Variants in CCNO observed in about 807,000 individuals in gnomAD.
The protein encoded by CCNO is cyclin O.
CCNO carries 24 observed loss-of-function variants against 23.9 expected under a neutral mutation model. The ratio of observed to expected loss-of-function variants is 1.00; its 90% CI spans 0.73 to 1.41. The LOEUF is 1.41. CCNO is among the 40% of genes most tolerant of loss of function. The pLI, the probability that CCNO is intolerant of heterozygous loss-of-function variation, is 0.00. For missense variants in CCNO, 542 were observed against 476.2 expected (o/e 1.14, Z -1.29); for synonymous variants, 241 against 225.7 (o/e 1.07, Z -0.61).
At position 55,231,325 on chromosome 5, in the gene CCNO, G is replaced by A; in HGVS notation, c.*50C>T. ...GTACTGCACTCTTCTGAGGCTACGG[G>A]AGAGGTCCAGCAGCCGGGCCAGGGA... On this transcript the variant is annotated 3_prime_UTR_variant, in exon 3 of 3. Coordinates refer to ENST00000282572, the MANE Select transcript of CCNO (RefSeq NM_021147.5). The A allele has an allele frequency of 6.3e-7, 1 of 1,599,444 alleles. No individual in the cohort carries two copies. The highest frequency in any genetic ancestry group is 8.5e-7 in the Non-Finnish European group (1 of 1,172,004).
chr5:55,232,445 CAG>C lies in CCNO; in HGVS notation c.481_482del (p.Leu161GlyfsTer73), dbSNP rs587777503. ...CCGGCGTGGTGGTGAGGAAGCGGTC[CAG>C]AGTGTTCACCGTCAGGCACAGCGAC... ...FESLCLTVNTLDRFLTTTPVA... is the reference protein window; with the variant it reads ...FESLCLTVNTXDRFLTTTPVA... On this transcript the variant is annotated frameshift_variant, in exon 2 of 3. Transcript: ENST00000282572. LOFTEE classifies it high-confidence loss of function. 2.5e-6 allele frequency: 4 copies of C among 1,613,914 alleles called. No homozygotes were observed. The highest frequency in any genetic ancestry group is 3.4e-6 in the Non-Finnish European group (4 of 1,180,042).
In CCNO at chr5:55,233,125, G is replaced by C; in HGVS notation, c.381+18C>G. 6.5e-7 allele frequency: 1 copy of C among 1,537,392 alleles called. No individual in the cohort carries two copies. The highest frequency in any genetic ancestry group is 8.7e-7 in the Non-Finnish European group (1 of 1,145,788). ...GAGGAAGAGCGGCGGCGTGGAGCTGGCTCTACCAGCACCTCACTTGTGGCT... is the reference window on the plus strand; with the variant it reads ...GAGGAAGAGCGGCGGCGTGGAGCTGCCTCTACCAGCACCTCACTTGTGGCT... On this transcript the variant is annotated intron_variant, in intron 1 of 2. Coordinates refer to ENST00000282572, the MANE Select transcript of CCNO (RefSeq NM_021147.5).
chr5:55,231,155 A>AG lies in CCNO; in HGVS notation c.*219dup. Reference sequence around the variant, plus strand: ...CCGCAGACAGACACTTGCAGGATTTAGACAAACCACAACTGTTTATTGGTG... The same window carrying AG: ...CCGCAGACAGACACTTGCAGGATTTAGGACAAACCACAACTGTTTATTGGTG... On this transcript the variant is annotated 3_prime_UTR_variant, in exon 3 of 3. Coordinates refer to ENST00000282572, the MANE Select transcript of CCNO (RefSeq NM_021147.5). 1 of 579,450 alleles carries AG rather than the reference A, an allele frequency of 1.7e-6. No homozygotes were observed. The highest frequency in any genetic ancestry group is 2.9e-5 in the East Asian group (1 of 34,678). The allele number at this position is 579,450 out of a possible 1,614,324, so 35.9% of individuals were successfully genotyped here.
chr5:55,232,652 G>A (rs1745626354), intron 1 of CCNO, 106 bp from the exon 2 acceptor site: 2 of 1,061,882 alleles, frequency 1.9e-6, no homozygotes, highest in Non-Finnish European at 2.8e-6. Context: ...CAGGAGAGGG[G>A]CAAGAAGATT....
At position 55,233,391 on chromosome 5, in the gene CCNO, G is replaced by A. The variant is rs779854419; in HGVS notation, c.133C>T (p.Pro45Ser). 1 of 1,610,684 alleles carries A rather than the reference G, an allele frequency of 6.2e-7. No homozygotes were observed. Among genetic ancestry groups the A allele is most frequent in the South Asian group, 1.1e-5 (1 of 90,778 alleles). ...CCCGGGAGCGGGCACGGGTTCAGGG[G>A]ATGCAGCGGCTGCTTCCTCCGGAGG... ...PRLRRKQPLH[P>S]LNPCPLPGDS... Residue 45 changes from proline (P) to serine (S), a missense_variant, in exon 1 of 3, where the codon CCC (proline) becomes TCC (serine). Pro to Ser is a moderately conservative substitution (Grantham distance 74). Transcript: ENST00000282572.
rs548514182 is a variant in CCNO, at chr5:55,232,283, G to C, written c.567+78C>G. 2.3e-4 allele frequency: 308 copies of C among 1,359,446 alleles called. No individual in the cohort carries two copies. The South Asian group carries it at 3.5e-3, about 16-fold the overall frequency. The allele number at this position is 1,359,446 out of a possible 1,614,324, so 84.2% of individuals were successfully genotyped here. ...AGCACTGAATCGTGCGCGCTGGAAA[G>C]ACGGGCGGCCAGGGAGTGGCGGGGG... On this transcript the variant is annotated intron_variant, in intron 2 of 2. Transcript: ENST00000282572.
At position 55,233,339 on chromosome 5, in the gene CCNO, T is replaced by C. The variant is rs1745657575; in HGVS notation, c.185A>G (p.Glu62Gly). The change falls in exon 1 of 3, where the codon GAG becomes GGG. Residue 62 changes from glutamate to glycine, a missense_variant. Transcript: ENST00000282572. ...PGDSGICDLF[E>G]SPSSGSDGAE... ...GCCGTCTGAGCCGGAGCTGGGGGAC[T>C]CGAACAGGTCGCAAATGCCGGAGTC... The C allele has an allele frequency of 1.2e-6, 2 of 1,607,080 alleles. No homozygotes were observed. Among genetic ancestry groups the C allele is most frequent in the Non-Finnish European group, 1.7e-6 (2 of 1,177,936 alleles).
chr5:55,233,079 A>C (rs1365106396), intron 1 of CCNO, 64 bp downstream of exon 1: 1 of 1,488,746 alleles, frequency 6.7e-7, no homozygotes, highest in Admixed American at 2.4e-5. Context: ...AGCCGGCAGG[A>C]GAGGAGAGAG....
At position 55,233,263 on chromosome 5, in the gene CCNO, G is replaced by A. The variant is rs1366870730; in HGVS notation, c.261C>T (p.Ala87=). ...GTAGATCTAGCTGCGCCACGGGCTG[G>A]GCCGGGCCGGGCAGGGGGCTACCAC... The part of the protein sequence containing the change: ...ARGGSPLPGP[A]QPVAQLDLQT... Residue 87 remains alanine, a synonymous_variant, in exon 1 of 3, where the codon GCC becomes GCT. Coordinates refer to ENST00000282572, the MANE Select transcript of CCNO (RefSeq NM_021147.5). 1 of 1,588,944 alleles carries A rather than the reference G, an allele frequency of 6.3e-7. No homozygotes were observed. The highest frequency in any genetic ancestry group is 1.1e-5 in the South Asian group (1 of 88,150).
chr5:55,233,044 G>T, intron 1 of CCNO, 99 bp downstream of exon 1: 1 of 1,316,432 alleles, frequency 7.6e-7, no homozygotes, highest in Non-Finnish European at 1.0e-6. Flanking sequence ...CTGGGCTGTC[G>T]CGGGCCCGGG....
intron 2 of CCNO, 52 bp from the exon 3 acceptor site, chr5:55,231,912 C>A: frequency 6.8e-7 from 1 of 1,479,632 alleles, no homozygotes; most frequent in South Asian, 1.3e-5. Context: ...GGGCCCCAGG[C>A]CCACCCCAGT....
chr5:55,231,955 G>GCCCCGGCTGTCTCTCTGGA, intron 2 of CCNO, 95 bp from the exon 3 acceptor site: 1 of 1,381,592 alleles, frequency 7.2e-7, no homozygotes, highest in Non-Finnish European at 9.5e-7. Flanking sequence ...CCCTTCCAGA[G>GCCCCGGCTGTCTCTCTGGA]AGACAGCCGG....
intron 2 of CCNO, among the ~76,000 whole-genome samples, chr5:55,232,122 A>G (rs991353450): frequency 1.3e-5 from 2 of 152,148 alleles, no homozygotes; most frequent in Non-Finnish European, 2.9e-5. Context: ...TTTGGGACTG[A>G]TTACAGCTAT....
Position 55,231,860 on chromosome 5 carries a change from C to G in CCNO, c.568G>C (p.Val190Leu). ...VTSLLIACKQ[V>L]EVHPPRVKQL... ...TTCACGCGCGGCGGGTGCACCTCCA[C>G]CTGCAACACAGGGCGCACTCAACCC... is the stretch of plus-strand genomic sequence containing the variant. Residue 190 changes from valine (V) to leucine (L), a missense_variant and splice_region_variant, in exon 3 of 3, where the codon GTG becomes CTG. Val to Leu is a conservative substitution (Grantham distance 32). Transcript: ENST00000282572. 4 of 1,535,312 alleles carry G rather than the reference C, an allele frequency of 2.6e-6. No homozygotes were observed. The highest frequency in any genetic ancestry group is 3.5e-6 in the Non-Finnish European group (4 of 1,140,102).
chr5:55,231,973 C>T, intron 2 of CCNO, 113 bp from the exon 3 acceptor site: 1 of 1,205,552 alleles, frequency 8.3e-7, no homozygotes, highest in Admixed American at 2.9e-5. Context: ...CGGGGCTCTG[C>T]CTCTCCACTG....
chr5:55,232,039 C>T (rs1745598603), intron 2 of CCNO, among the ~76,000 whole-genome samples, 179 bp from the exon 3 acceptor site: 2 of 147,984 alleles, frequency 1.4e-5, no homozygotes, highest in South Asian at 4.2e-4. Context: ...AACTACTGTC[C>T]AACTAAAAAA....
At position 55,232,359 on chromosome 5, in the gene CCNO, A is replaced by G; in HGVS notation, c.567+2T>C. 6.2e-7 allele frequency: 1 copy of G among 1,613,154 alleles called. No individual in the cohort carries two copies. Among genetic ancestry groups the G allele is most frequent in the Non-Finnish European group, 8.5e-7 (1 of 1,179,796 alleles). The stretch of plus-strand genomic sequence containing the variant: ...CGTGTACCTGTTTGATACCCCAGGT[A>G]CCTGTTTGCAAGCGATGAGCAAGGA... On this transcript the variant is annotated splice_donor_variant, in intron 2 of 2. Transcript: ENST00000282572. LOFTEE classifies it high-confidence loss of function.
At chr5:55,232,656 G>T (rs1308356608) in intron 1 of CCNO, 110 bp from the exon 2 acceptor site, 2 of 1,001,730 alleles carry the variant, frequency 2.0e-6, no homozygotes, top group African/African-American at 1.6e-5. Flanking sequence ...AGAGGGGCAA[G>T]AAGATTTCAG....
At position 55,231,553 on chromosome 5, in the gene CCNO, T is replaced by C. The variant is rs1745575514; in HGVS notation, c.875A>G (p.Asp292Gly). 2.5e-6 allele frequency: 4 copies of C among 1,613,458 alleles called. No individual in the cohort carries two copies. The African/African-American group carries it at 5.3e-5, about 22-fold the overall frequency. ...GGGCCGCGAGACCCGCAGCATGCGG[T>C]CCGCCAGCGCCAGGCAGCAGATCGC... is the stretch of plus-strand genomic sequence containing the variant. Reference protein sequence around the residue: ...LLAICCLALADRMLRVSRPVD... With the variant: ...LLAICCLALAGRMLRVSRPVD... Residue 292 changes from aspartate (D) to glycine (G), a missense_variant, in exon 3 of 3, where the codon GAC becomes GGC. Coordinates refer to ENST00000282572, the MANE Select transcript of CCNO (RefSeq NM_021147.5).
Sources: allele counts gnomAD v4.1 joint callset (sites outside exome capture counted in the v4.1 genomes callset), GRCh38; gene constraint gnomAD v4.1.1; transcripts MANE v1.5; gene names NCBI Gene and HGNC (gene_info 2026-07-23, HGNC 2026-07-21).